KLF13: variants seen among roughly 807,000 people sequenced by gnomAD.
KLF13 encodes KLF transcription factor 13.
Under a neutral mutation model 16.7 loss-of-function variants are expected in KLF13, and 8 were observed. The ratio of observed to expected loss-of-function variants is 0.48; its 90% CI spans 0.28 to 0.87. The LOEUF is 0.87. Ranked by LOEUF, KLF13 falls within the 40% of genes least tolerant of loss-of-function variation. KLF13 has a pLI of 0.10. For missense variants in KLF13, 447 were observed against 452.2 expected, an observed-to-expected ratio of 0.99 and a Z score of 0.10; for synonymous variants, 245 against 208.4, an observed-to-expected ratio of 1.18 and a Z score of -1.51.
intron 1 of KLF13, among the ~76,000 whole-genome samples, chr15:31,429,371 T>C (rs988208176): frequency 2.6e-5 from 4 of 152,190 alleles, no homozygotes; most frequent in African/African-American, 9.7e-5. Context: ...TTACATATGA[T>C]ACCAAGAATG....
intron 1 of KLF13, among the ~76,000 whole-genome samples, chr15:31,355,039 TAAA>T (rs995465671): frequency 6.6e-6 from 1 of 152,204 alleles, no homozygotes; most frequent in Non-Finnish European, 1.5e-5. Flanking sequence ...AGCCACCATT[TAAA>T]GAAGTGTTGG....
chr15:31,330,741 T>G (rs2038814303), intron 1 of KLF13, among the ~76,000 whole-genome samples: 1 of 152,234 alleles, frequency 6.6e-6, no homozygotes. Context: ...CTCTGTCACA[T>G]TTAGGTAATT....
upstream of KLF13, among the ~76,000 whole-genome samples, chr15:31,388,477 G>T (rs547737516): frequency 1.3e-5 from 2 of 151,798 alleles, no homozygotes; most frequent in East Asian, 3.9e-4. Flanking sequence ...AGCCGGGTGC[G>T]GTGGTGCGTG....
chr15:31,406,418 C>T (rs981847678), downstream of KLF13, among the ~76,000 whole-genome samples: 3 of 152,068 alleles, frequency 2.0e-5, no homozygotes, highest in Admixed American at 1.3e-4. Flanking sequence ...CAGAAACTGC[C>T]TTTCTGTTGT....
intron 1 of KLF13, among the ~76,000 whole-genome samples, chr15:31,338,235 G>A (rs2038962834): frequency 6.6e-6 from 1 of 152,220 alleles, no homozygotes; most frequent in Non-Finnish European, 1.5e-5. Flanking sequence ...TATGAGCCAA[G>A]CGTTTGAATT....
chr15:31,379,497 T>G (rs1447482251), downstream of KLF13, among the ~76,000 whole-genome samples: 1 of 151,780 alleles, frequency 6.6e-6, no homozygotes, highest in Non-Finnish European at 1.5e-5. Flanking sequence ...AAACCCCTCC[T>G]GGTATTTCTT....
chr15:31,432,208 G>A (rs975340589), intron 1 of KLF13, among the ~76,000 whole-genome samples: 3 of 152,076 alleles, frequency 2.0e-5, no homozygotes, highest in African/African-American at 7.3e-5. Context: ...GTGAAGTTGA[G>A]AATTTTTTTT....
intron 1 of KLF13, among the ~76,000 whole-genome samples, chr15:31,419,641 A>G (rs926294363): frequency 2.6e-5 from 4 of 152,186 alleles, no homozygotes; most frequent in African/African-American, 9.7e-5. Context: ...AGAATAAAGG[A>G]TTAGTAAAAG....
At chr15:31,420,678 G>C (rs1181631956) in intron 1 of KLF13, 1 of 323,242 alleles carries the variant, frequency 3.1e-6, no homozygotes, top group Non-Finnish European at 5.9e-6. Context: ...TGCCCAGACT[G>C]TCCTTTTTTT....
At chr15:31,347,665 G>T (rs1446562003) in intron 1 of KLF13, among the ~76,000 whole-genome samples, 1 of 152,230 alleles carries the variant, frequency 6.6e-6, no homozygotes, top group Non-Finnish European at 1.5e-5. Flanking sequence ...GCCAAGGCAA[G>T]AAATGGCTAA....
chr15:31,345,652 C>T (rs1414458823), intron 1 of KLF13, among the ~76,000 whole-genome samples: 1 of 152,222 alleles, frequency 6.6e-6, no homozygotes, highest in Non-Finnish European at 1.5e-5. Flanking sequence ...GGGGACCCTG[C>T]CCTACTCACT....
At chr15:31,411,668 G>A (rs1021434964) in intron 1 of KLF13, among the ~76,000 whole-genome samples, 1 of 151,346 alleles carries the variant, frequency 6.6e-6, no homozygotes, top group African/African-American at 2.4e-5. Flanking sequence ...GCCTCCCAAA[G>A]TGCTACGATT....
chr15:31,426,967 C>G (rs1360696711), intron 1 of KLF13, among the ~76,000 whole-genome samples: 3 of 152,188 alleles, frequency 2.0e-5, no homozygotes, highest in Non-Finnish European at 2.9e-5. Context: ...GTCTCTCCAG[C>G]CTTTGGAGTC....
At chr15:31,415,639 CA>C (rs1266991107) in intron 1 of KLF13, among the ~76,000 whole-genome samples, 1 of 152,026 alleles carries the variant, frequency 6.6e-6, no homozygotes, top group Non-Finnish European at 1.5e-5. Flanking sequence ...GCGAGTAAAG[CA>C]GTGCTTAGAG....
At chr15:31,366,711 G>A (rs2039477267) in intron 1 of KLF13, among the ~76,000 whole-genome samples, 2 of 15,526 alleles carry the variant, frequency 1.3e-4, no homozygotes, top group African/African-American at 4.3e-4. Context: ...TGAAGGGCCG[G>A]GCCTGGCTGG....
At chr15:31,434,543 CT>C (rs1176839575) in intron 1 of KLF13, among the ~76,000 whole-genome samples, 2 of 152,152 alleles carry the variant, frequency 1.3e-5, no homozygotes, top group Non-Finnish European at 2.9e-5. Flanking sequence ...AGGCTTGGAA[CT>C]GGGTCTTTGC....
At chr15:31,351,902 A>G (rs968282879) in intron 1 of KLF13, among the ~76,000 whole-genome samples, 1 of 152,104 alleles carries the variant, frequency 6.6e-6, no homozygotes, top group African/African-American at 2.4e-5. Flanking sequence ...AATCCCAGCT[A>G]CTGAGGAGGC....
rs1422259078 is a variant in KLF13 at position 31,423,159 on chromosome 15, A to ACATATACG, written n.118-12211_118-12210insCATATACG. 6.7e-5 allele frequency among the ~76,000 whole-genome samples: 8 copies of ACATATACG among 118,730 alleles called. 1 individual carries two copies. Among genetic ancestry groups the ACATATACG allele is most frequent in the African/African-American group, 3.4e-4 (7 of 20,880 alleles). The allele number at this position is 118,730 out of a possible 152,430, so 77.9% of individuals were successfully genotyped here. The stretch of plus-strand genomic sequence containing the variant: ...TATACGTATACGTATATATACGTAT[A>ACATATACG]TATATGTATATATATACATATATAC... On this transcript the variant is annotated intron_variant and non_coding_transcript_variant, in intron 1 of 1. Transcript: ENST00000558225.
chr15:31,365,174 G>T (rs1289245631), intron 1 of KLF13, among the ~76,000 whole-genome samples: 1 of 152,196 alleles, frequency 6.6e-6, no homozygotes, highest in Non-Finnish European at 1.5e-5. Context: ...GGAGACTGGG[G>T]ACAGTGGCCT....
Sources: gnomAD v4.1 joint callset for allele counts (sites outside exome capture counted in the v4.1 genomes callset) on GRCh38, gnomAD v4.1.1 for gene constraint, MANE v1.5 for transcripts, NCBI Gene and HGNC (gene_info 2026-07-23, HGNC 2026-07-21) for gene names.